Variants in GPHN observed in about 807,000 individuals in gnomAD.
GPHN encodes the protein gephyrin.
Under a neutral mutation model 95.5 loss-of-function variants are expected in GPHN, and 17 were observed. That is an observed-to-expected ratio of 0.18 (90% CI 0.12 to 0.27). GPHN has a LOEUF of 0.27. GPHN is among the 10% of genes least tolerant of loss of function. The probability of loss-of-function intolerance (pLI) is 1.00; values close to 1 mark genes in which losing one functional copy is unlikely to be tolerated. For missense variants in GPHN, 660 were observed against 978.1 expected (o/e 0.67, Z 4.34); for synonymous variants, 320 against 322.5 (o/e 0.99, Z 0.08).
At chr14:67,509,913 G>A in the GPHN span, among the ~76,000 whole-genome samples, 17 of 152,282 alleles carry the variant, frequency 1.1e-4, no homozygotes, top group African/African-American at 3.9e-4. Flanking sequence ...GGGAGGCTGA[G>A]GCAGGAGGAT....
chr14:67,226,755 T>G, the GPHN span, among the ~76,000 whole-genome samples: 1 of 152,140 alleles, frequency 6.6e-6, no homozygotes, highest in African/African-American at 2.4e-5. Flanking sequence ...AAACAACAAA[T>G]GTCCACACTC....
At chr14:67,594,562 G>A in the GPHN span, among the ~76,000 whole-genome samples, 1 of 151,964 alleles carries the variant, frequency 6.6e-6, no homozygotes, top group African/African-American at 2.4e-5. Flanking sequence ...CAGGAGAATC[G>A]CTTGAACCTG....
At chr14:67,466,886 T>A in the GPHN span, among the ~76,000 whole-genome samples, 4 of 150,438 alleles carry the variant, frequency 2.7e-5, no homozygotes, top group Non-Finnish European at 4.4e-5. Context: ...TCCCAGCTAC[T>A]CAGGAGGCTG....
chr14:67,516,350 G>A, the GPHN span, among the ~76,000 whole-genome samples: 4 of 152,184 alleles, frequency 2.6e-5, no homozygotes, highest in Admixed American at 2.0e-4. Context: ...TATGCATGCC[G>A]AGGCCTGATC....
chr14:67,471,339 G>A, the GPHN span: 1 of 152,326 alleles, frequency 6.6e-6, no homozygotes, highest in Non-Finnish European at 1.5e-5. Context: ...GTGAAGGTGG[G>A]TAGTGTGGTC....
intron 2 of GPHN, among the ~76,000 whole-genome samples, chr14:66,775,972 CAT>C (rs1266309043): frequency 6.6e-6 from 1 of 152,118 alleles, no homozygotes; most frequent in Non-Finnish European, 1.5e-5. Context: ...AGTTGTAGCA[CAT>C]GTGTCACACT....
the GPHN span, among the ~76,000 whole-genome samples, chr14:67,408,945 G>A: frequency 1.3e-5 from 2 of 151,778 alleles, no homozygotes; most frequent in African/African-American, 2.4e-5. Context: ...ATCCTTTATT[G>A]GCCAGGCGCC....
intron 1 of GPHN, among the ~76,000 whole-genome samples, chr14:66,573,504 G>A (rs566258783): frequency 6.7e-6 from 1 of 149,844 alleles, no homozygotes; most frequent in African/African-American, 2.5e-5. Flanking sequence ...CCAGGCTGGA[G>A]CACAGTGGTG....
At chr14:67,371,586 C>G in the GPHN span, among the ~76,000 whole-genome samples, 1 of 152,274 alleles carries the variant, frequency 6.6e-6, no homozygotes, top group South Asian at 2.1e-4. Context: ...TTAGTATACT[C>G]TATTATTCCT....
chr14:67,212,599 ATAT>A, the GPHN span, among the ~76,000 whole-genome samples: 568 of 137,082 alleles, frequency 4.1e-3, 4 homozygotes, highest in African/African-American at 6.5e-3. Context: ...GAAAAAAAAA[ATAT>A]ATATATATAT....
rs541508283 is a variant in GPHN, at chr14:67,114,865, A to C, written c.1626+1694A>C. 3.3e-5 allele frequency among the ~76,000 whole-genome samples: 5 copies of C among 152,306 alleles called. No individual in the cohort carries two copies. In the East Asian group the frequency reaches 9.6e-4, roughly 29 times the overall value. On this transcript the variant is annotated intron_variant, in intron 16 of 22. Transcript: ENST00000478722. ...TTTGTTTAAGCTACCTTTTACACTC[A>C]ATTAAAACTATTTACTGGAAGTAGG...
intron 17 of GPHN, among the ~76,000 whole-genome samples, chr14:67,123,417 G>A (rs192758257): frequency 1.3e-5 from 2 of 152,344 alleles, no homozygotes; most frequent in African/African-American, 4.8e-5. Flanking sequence ...GCTCACGCCT[G>A]TAATCCCAGC....
At chr14:67,100,266 T>C (rs1595133948) in intron 12 of GPHN, among the ~76,000 whole-genome samples, 1 of 152,184 alleles carries the variant, frequency 6.6e-6, no homozygotes, top group East Asian at 1.9e-4. Context: ...ACCTTTTCTT[T>C]CCACCTGAAT....
the GPHN span, among the ~76,000 whole-genome samples, chr14:67,427,847 G>A: frequency 2.0e-5 from 3 of 151,916 alleles, no homozygotes; most frequent in African/African-American, 7.3e-5. Context: ...TTCTGGCACT[G>A]TCATGAGACC....
At chr14:67,164,632 C>G (rs1054043392) in intron 19 of GPHN, among the ~76,000 whole-genome samples, 44 of 152,038 alleles carry the variant, frequency 2.9e-4, no homozygotes, top group Admixed American at 2.9e-3. Flanking sequence ...GCTGGGATTA[C>G]AGGCGCACAC....
At chr14:67,392,903 G>C in the GPHN span, 1 of 1,453,234 alleles carries the variant, frequency 6.9e-7, no homozygotes, top group South Asian at 1.3e-5. Flanking sequence ...CGTCCTTGGG[G>C]TGTGTGGCCA....
At chr14:66,616,924 T>G (rs981737134) in intron 1 of GPHN, among the ~76,000 whole-genome samples, 1 of 152,150 alleles carries the variant, frequency 6.6e-6, no homozygotes, top group Admixed American at 6.5e-5. Flanking sequence ...GCCAGAATGG[T>G]CTTGATCTCC....
the GPHN span, chr14:67,205,090 G>A: frequency 6.5e-7 from 1 of 1,535,698 alleles, no homozygotes; most frequent in Middle Eastern, 1.7e-4. Context: ...AGAGGAGAAG[G>A]TATGTGTCAC....
At chr14:67,637,257 A>G in the GPHN span, among the ~76,000 whole-genome samples, 1 of 151,794 alleles carries the variant, frequency 6.6e-6, no homozygotes. Context: ...TAAAACTACA[A>G]AAATTAGCTG....
Sources: gnomAD v4.1 joint callset for allele counts (sites outside exome capture counted in the v4.1 genomes callset) on GRCh38, gnomAD v4.1.1 for gene constraint, MANE v1.5 for transcripts, NCBI Gene and HGNC (gene_info 2026-07-23, HGNC 2026-07-21) for gene names.